Variants in CNTNAP2 observed in about 807,000 individuals in gnomAD.
CNTNAP2 encodes contactin-associated protein-like 2.
A neutral mutation model predicts 155.2 loss-of-function variants in CNTNAP2; 98 were observed. The observed-to-expected ratio is 0.63, with a 90% CI of 0.54 to 0.75. The LOEUF (loss-of-function observed/expected upper bound fraction) is 0.75, where lower values mean the gene tolerates loss of function less well. Ranked by LOEUF, CNTNAP2 falls within the 30% of genes least tolerant of loss-of-function variation. The pLI, the probability that CNTNAP2 is intolerant of heterozygous loss-of-function variation, is 0.00. For synonymous variants in CNTNAP2, 651 were observed against 631.2 expected, an observed-to-expected ratio of 1.03 and a Z score of -0.47; for missense variants, 1,727 against 1,688.1, an observed-to-expected ratio of 1.02 and a Z score of -0.40.
At chr7:147,999,911 T>C (rs1460233078) in intron 15 of CNTNAP2, among the ~76,000 whole-genome samples, 4 of 152,188 alleles carry the variant, frequency 2.6e-5, no homozygotes, top group Non-Finnish European at 5.9e-5. Flanking sequence ...AAATGAGCCC[T>C]GCCAACTTGG....
At chr7:147,494,057 G>T (rs1798652966) in intron 11 of CNTNAP2, among the ~76,000 whole-genome samples, 1 of 152,002 alleles carries the variant, frequency 6.6e-6, no homozygotes, top group Non-Finnish European at 1.5e-5. Context: ...AGCATTGGGA[G>T]CTAAGGGAAA....
At chr7:146,932,323 C>A (rs548256536) in intron 3 of CNTNAP2, among the ~76,000 whole-genome samples, 122 of 151,182 alleles carry the variant, frequency 8.1e-4, no homozygotes, top group African/African-American at 2.8e-3. Flanking sequence ...TAAACAGAAC[C>A]AAAGACAAAA....
chr7:147,132,197 TTC>T, intron 7 of CNTNAP2, 46 bp from the exon 8 acceptor site: 1 of 1,610,182 alleles, frequency 6.2e-7, no homozygotes. Flanking sequence ...GACATGGATG[TTC>T]ATTTTATTCT....
intron 3 of CNTNAP2, among the ~76,000 whole-genome samples, chr7:147,015,632 G>C (rs1025882139): frequency 1.3e-5 from 2 of 151,872 alleles, no homozygotes; most frequent in African/African-American, 4.8e-5. Context: ...GGATATAATG[G>C]GATTGAGTCA....
At chr7:146,569,082 T>G (rs1798401242) in intron 1 of CNTNAP2, among the ~76,000 whole-genome samples, 1 of 152,106 alleles carries the variant, frequency 6.6e-6, no homozygotes, top group Non-Finnish European at 1.5e-5. Context: ...AGTGGCGCAA[T>G]CTTGGCTCAC....
intron 15 of CNTNAP2, among the ~76,000 whole-genome samples, chr7:148,108,866 G>A (rs1052079631): frequency 1.3e-5 from 2 of 152,160 alleles, no homozygotes; most frequent in East Asian, 1.9e-4. Flanking sequence ...AAGTATTTGA[G>A]GTGATGGATA....
chr7:147,335,019 G>A (rs142539072), intron 9 of CNTNAP2, among the ~76,000 whole-genome samples: 1 of 152,290 alleles, frequency 6.6e-6, no homozygotes, highest in East Asian at 1.9e-4. Context: ...TTGAAGCTCA[G>A]AGAGTTTAAG....
At chr7:146,974,482 C>A (rs574005182) in intron 3 of CNTNAP2, among the ~76,000 whole-genome samples, 1 of 151,878 alleles carries the variant, frequency 6.6e-6, no homozygotes, top group Non-Finnish European at 1.5e-5. Context: ...AAGTCAGTTA[C>A]TTATTTACCT....
intron 13 of CNTNAP2, among the ~76,000 whole-genome samples, chr7:147,823,335 G>A (rs1481051976): frequency 3.3e-5 from 5 of 152,136 alleles, no homozygotes; most frequent in African/African-American, 9.6e-5. Flanking sequence ...TGATTTAAGG[G>A]GTAGACTTAT....
chr7:148,016,755 T>A (rs1029884877), intron 15 of CNTNAP2, among the ~76,000 whole-genome samples: 22 of 152,166 alleles, frequency 1.4e-4, no homozygotes, highest in Non-Finnish European at 3.1e-4. Context: ...AGGAGGAAGG[T>A]ATATATCCCT....
Position 148,409,491 on chromosome 7 carries a change from G to T in CNTNAP2, c.3796+20G>T. Reference sequence around the variant, plus strand: ...TTGGAGGTAGGTGATGTCTAGAGGAGGCTTATATGGGGCTACTCAACTATG... The same window carrying T: ...TTGGAGGTAGGTGATGTCTAGAGGATGCTTATATGGGGCTACTCAACTATG... On this transcript the variant is annotated intron_variant, in intron 23 of 23. Coordinates refer to ENST00000361727, the MANE Select transcript of CNTNAP2 (RefSeq NM_014141.6). 1.3e-6 allele frequency: 2 copies of T among 1,593,444 alleles called. No individual in the cohort carries two copies. The highest frequency in any genetic ancestry group is 1.7e-6 in the Non-Finnish European group (2 of 1,161,294).
intron 13 of CNTNAP2, among the ~76,000 whole-genome samples, chr7:147,772,493 A>C (rs10243995): frequency 0.082 from 9,598 of 116,818 alleles, 692 homozygotes; most frequent in East Asian, 0.18. Flanking sequence ...TACACACACA[A>C]AAAAAAAACC....
chr7:147,436,446 C>T (rs1202760254), intron 10 of CNTNAP2, among the ~76,000 whole-genome samples: 3 of 152,020 alleles, frequency 2.0e-5, no homozygotes, highest in Admixed American at 6.6e-5. Flanking sequence ...AGAAAATCCA[C>T]TTATTTCAAA....
At chr7:148,045,629 G>A (rs1397709017) in intron 15 of CNTNAP2, among the ~76,000 whole-genome samples, 1 of 152,232 alleles carries the variant, frequency 6.6e-6, no homozygotes, top group African/African-American at 2.4e-5. Flanking sequence ...ACATAAAATT[G>A]TAAGATTTCG....
chr7:148,205,546 C>T (rs1485492664), intron 18 of CNTNAP2, among the ~76,000 whole-genome samples: 1 of 152,198 alleles, frequency 6.6e-6, no homozygotes, highest in Non-Finnish European at 1.5e-5. Flanking sequence ...ATTCGTTAAG[C>T]TGTAAGTCCT....
chr7:146,137,581 T>C (rs1319550339), intron 1 of CNTNAP2, among the ~76,000 whole-genome samples: 1 of 152,042 alleles, frequency 6.6e-6, no homozygotes, highest in Non-Finnish European at 1.5e-5. Context: ...ATTAAAAGCC[T>C]AAGAAGAAAA....
intron 1 of CNTNAP2, among the ~76,000 whole-genome samples, chr7:146,429,887 G>C (rs1003900364): frequency 2.6e-5 from 4 of 152,068 alleles, no homozygotes; most frequent in Non-Finnish European, 4.4e-5. Context: ...TTATTGTGAA[G>C]TATGTTCCTT....
At chr7:146,467,187 C>T (rs912235722) in intron 1 of CNTNAP2, among the ~76,000 whole-genome samples, 9 of 152,070 alleles carry the variant, frequency 5.9e-5, no homozygotes, top group African/African-American at 2.2e-4. Context: ...AATCAGTTTT[C>T]AAGTATATTA....
intron 15 of CNTNAP2, among the ~76,000 whole-genome samples, chr7:148,105,850 G>C (rs552874214): frequency 1.7e-4 from 26 of 152,302 alleles, no homozygotes; most frequent in African/African-American, 6.0e-4. Flanking sequence ...GCCTCCCAAA[G>C]TGCTGGGATT....
Sources: gnomAD v4.1 joint callset for allele counts (sites outside exome capture counted in the v4.1 genomes callset) on GRCh38, gnomAD v4.1.1 for gene constraint, MANE v1.5 for transcripts, NCBI Gene and HGNC (gene_info 2026-07-23, HGNC 2026-07-21) for gene names.